CAPS2: variants seen among roughly 807,000 people sequenced by gnomAD.
The protein encoded by CAPS2 is calcyphosin-2.
A neutral mutation model predicts 86.5 loss-of-function variants in CAPS2; 98 were observed. That is an observed-to-expected ratio of 1.13 (90% CI 0.96 to 1.34). CAPS2 has a LOEUF of 1.34. Among genes scored for constraint, CAPS2 ranks in the 40% most tolerant of loss-of-function variants. The pLI is 0.00. For missense variants in CAPS2, 729 were observed against 686.8 expected (o/e 1.06, Z -0.69); for synonymous variants, 210 against 225.1 (o/e 0.93, Z 0.60).
rs2043438478 is a variant in CAPS2, at chr12:75,359,733, T to A, written c.-395+31105A>T. 2.0e-5 allele frequency among the ~76,000 whole-genome samples: 3 copies of A among 152,090 alleles called. No individual in the cohort carries two copies. The South Asian group carries it at 6.2e-4, about 32-fold the overall frequency. ...TTTTTCAGAAATGCACAAAGGTATT[T>A]CAGTGGAAAAAAAATTAATAAATCA... On this transcript the variant is annotated intron_variant, in intron 1 of 5. Coordinates refer to the CAPS2 transcript ENST00000551829.
intron 5 of CAPS2, among the ~76,000 whole-genome samples, chr12:75,317,655 C>T (rs1455843276): frequency 1.3e-5 from 2 of 152,020 alleles, no homozygotes; most frequent in Non-Finnish European, 2.9e-5. Flanking sequence ...AGCCTTAGAT[C>T]CATTGTTTTT....
intron 2 of CAPS2, among the ~76,000 whole-genome samples, chr12:75,323,609 G>A (rs2040505018): frequency 6.6e-6 from 1 of 152,156 alleles, no homozygotes; most frequent in African/African-American, 2.4e-5. Flanking sequence ...CAGGCGTGGT[G>A]ACACATGCCT....
intron 7 of CAPS2, among the ~76,000 whole-genome samples, chr12:75,308,855 A>T (rs1454831332): frequency 6.9e-6 from 1 of 145,184 alleles, no homozygotes; most frequent in Non-Finnish European, 1.5e-5. Context: ...GTGAGCCGAG[A>T]TCACACCACT....
At chr12:75,280,656 T>A (rs1467616213) in intron 16 of CAPS2, among the ~76,000 whole-genome samples, 2 of 151,840 alleles carry the variant, frequency 1.3e-5, no homozygotes, top group Non-Finnish European at 2.9e-5. Context: ...AGGAAAAAAA[T>A]ACACTAGCAA....
In CAPS2 at chr12:75,297,992, T is replaced by G. The variant is rs182082856; in HGVS notation, c.1044+695A>C. Among the ~76,000 whole-genome samples the G allele has an allele frequency of 2.2e-3, 334 of 152,284 alleles. 5 individuals carry two copies. The highest frequency in any genetic ancestry group is 6.1e-3 in the Admixed American group (93 of 15,296). ...CCTATCTGGCCCTCTTATCTATCTG[T>G]GTCTCCTATTAGACTGCCAGCTCCA... On this transcript the variant is annotated intron_variant, in intron 11 of 16. Transcript: ENST00000393284.
intron 9 of CAPS2, 40 bp downstream of exon 9, chr12:75,299,797 A>C: frequency 4.1e-6 from 4 of 973,740 alleles, no homozygotes; most frequent in Non-Finnish European, 4.7e-6. Context: ...ATACGTTTTT[A>C]TAATCATAGG....
At position 75,350,874 on chromosome 12, in the gene CAPS2, A is replaced by C. The variant is rs1565977173; in HGVS notation, c.-394-27652T>G. Among the ~76,000 whole-genome samples the C allele has an allele frequency of 3.3e-5, 5 of 152,230 alleles. No homozygotes were observed. The South Asian group carries it at 1.0e-3, about 31-fold the overall frequency. On this transcript the variant is annotated intron_variant, in intron 1 of 5. Transcript: ENST00000551829. ...GGACGAATTGACAAAAATAGGGTTCAGAAGATGCATAATAATGAACTTCAC... is the reference window on the plus strand; with the variant it reads ...GGACGAATTGACAAAAATAGGGTTCCGAAGATGCATAATAATGAACTTCAC...
chr12:75,306,130 C>T, intron 7 of CAPS2: 1 of 1,171,638 alleles, frequency 8.5e-7, no homozygotes, highest in Non-Finnish European at 1.3e-6. Flanking sequence ...CGGGAACGTG[C>T]GGAAGCTCAT....
At chr12:75,331,691 G>A (rs185431307), upstream of CAPS2, among the ~76,000 whole-genome samples, 5,750 of 150,518 alleles carry the variant, frequency 0.038, 128 homozygotes, top group East Asian at 0.051. Flanking sequence ...AGCCTCCCAA[G>A]TAGCTGGGAC....
chr12:75,362,068 G>C (rs775582727), intron 1 of CAPS2, among the ~76,000 whole-genome samples: 19 of 152,008 alleles, frequency 1.2e-4, no homozygotes, highest in Non-Finnish European at 2.4e-4. Flanking sequence ...ACTGTTAAGA[G>C]AATGAAAAGA....
At chr12:75,310,324 G>A (rs752186452) in intron 7 of CAPS2, among the ~76,000 whole-genome samples, 9 of 152,030 alleles carry the variant, frequency 5.9e-5, no homozygotes, top group Non-Finnish European at 1.2e-4. Context: ...GTTTATTTAT[G>A]GTAAGGCCAA....
At chr12:75,311,726 A>G (rs2039234164) in intron 7 of CAPS2, among the ~76,000 whole-genome samples, 1 of 138,276 alleles carries the variant, frequency 7.2e-6, no homozygotes, top group Non-Finnish European at 1.6e-5. Flanking sequence ...AAAAAAAACA[A>G]AAAAAAAAAA....
rs1451581541 is a variant in CAPS2, at chr12:75,286,992, G to A, written c.1396-1912C>T. ...TTATGATACAGAAAAATTACTAGAC[G>A]GGAATATGTTTTCTGCGTTCTAGTC... On this transcript the variant is annotated intron_variant, in intron 14 of 16. Coordinates refer to ENST00000393284, the Ensembl canonical transcript of CAPS2. Among the ~76,000 whole-genome samples, 4 of 151,216 alleles carry A rather than the reference G, an allele frequency of 2.6e-5. No individual in the cohort carries two copies. The Admixed American group carries it at 2.6e-4, about 10-fold the overall frequency.
rs112882023 is a variant in CAPS2 at position 75,297,500 on chromosome 12, T to G, written c.1044+1187A>C. Among the ~76,000 whole-genome samples the G allele has an allele frequency of 5.0e-4, 76 of 152,326 alleles. 1 individual carries two copies. The highest frequency in any genetic ancestry group is 1.6e-3 in the African/African-American group (66 of 41,580). On this transcript the variant is annotated intron_variant, in intron 11 of 16. Transcript: ENST00000393284. ...ATTCAGGTTGCCATAATCTCTCTCC[T>G]AGATTAATATAATTCAATCCTATCC...
chr12:75,333,848 T>G (rs1207305897), upstream of CAPS2: 1 of 152,064 alleles, frequency 6.6e-6, no homozygotes, highest in East Asian at 1.9e-4. Context: ...AAAAAATTAA[T>G]GTCATGGGGA....
At chr12:75,339,243 T>TC (rs149340286) in intron 1 of CAPS2, among the ~76,000 whole-genome samples, 89 of 152,324 alleles carry the variant, frequency 5.8e-4, no homozygotes, top group Middle Eastern at 3.4e-3. Flanking sequence ...TTCCTTTTTT[T>TC]CCCGCAACAC....
downstream of CAPS2, chr12:75,276,643 T>A (rs950780565): frequency 9.4e-6 from 8 of 848,994 alleles, no homozygotes; most frequent in Non-Finnish European, 1.1e-5. Context: ...CTTGTCTTTT[T>A]AATAAAATGT....
chr12:75,316,998 A>G (rs2039839831), intron 5 of CAPS2, among the ~76,000 whole-genome samples: 1 of 152,194 alleles, frequency 6.6e-6, no homozygotes, highest in African/African-American at 2.4e-5. Context: ...CAACTTTTCA[A>G]AAACTTAATA....
intron 4 of CAPS2, 121 bp from the exon 5 acceptor site, chr12:75,321,697 A>G: frequency 1.4e-6 from 1 of 710,360 alleles, no homozygotes; most frequent in Non-Finnish European, 2.4e-6. Context: ...ATTATAGTCA[A>G]TGTTCTAAGC....
Sources: allele counts gnomAD v4.1 joint callset (sites outside exome capture counted in the v4.1 genomes callset), GRCh38; gene constraint gnomAD v4.1.1; transcripts MANE v1.5; gene names NCBI Gene and HGNC (gene_info 2026-07-23, HGNC 2026-07-21).